The following CHODL variants were observed in gnomAD, a reference collection of about 807,000 sequenced individuals.
CHODL encodes the protein chondrolectin, also known as transmembrane protein MT75.
CHODL carries 29 observed loss-of-function variants against 34.5 expected under a neutral mutation model. That is an observed-to-expected ratio of 0.84 (90% CI 0.63 to 1.15). The LOEUF (loss-of-function observed/expected upper bound fraction) is 1.15. Ranked by LOEUF, CHODL falls within the 50% of genes most tolerant of loss-of-function variation. The probability of loss-of-function intolerance (pLI) is 0.00; values close to 1 mark genes in which losing one functional copy is unlikely to be tolerated. For missense variants in CHODL, 332 were observed against 332.5 expected, an observed-to-expected ratio of 1.00 and a Z score of 0.01; for synonymous variants, 125 against 116.1, an observed-to-expected ratio of 1.08 and a Z score of -0.49.
At chr21:18,121,507 C>T (rs2065479220) in intron 2 of CHODL, among the ~76,000 whole-genome samples, 1 of 151,570 alleles carries the variant, frequency 6.6e-6, no homozygotes, top group African/African-American at 2.4e-5. Context: ...TTAACATGGC[C>T]CAAACGCTTA....
chr21:18,067,393 A>C (rs1456983588), intron 2 of CHODL, among the ~76,000 whole-genome samples: 1 of 152,204 alleles, frequency 6.6e-6, no homozygotes, highest in African/African-American at 2.4e-5. Context: ...TAGAAATTTG[A>C]ATGTAGACAT....
rs372569611 is a variant in CHODL at position 17,992,118 on chromosome 21, A to C, written c.-144-35754A>C. 3.9e-5 allele frequency among the ~76,000 whole-genome samples: 6 copies of C among 152,248 alleles called. 1 individual carries two copies. The highest frequency in any genetic ancestry group is 1.3e-4 in the Admixed American group (2 of 15,282). ...GTGTATGTTCTTGGTGCCTTTGTTG[A>C]AAATAAGTTGGCTATGAATATATGG... On this transcript the variant is annotated intron_variant, in intron 1 of 6. Coordinates refer to the CHODL transcript ENST00000400127.
chr21:18,013,816 G>A (rs1240150589), intron 1 of CHODL, among the ~76,000 whole-genome samples: 1 of 151,472 alleles, frequency 6.6e-6, no homozygotes, highest in Non-Finnish European at 1.5e-5. Context: ...TGTATTTTTA[G>A]TAGAGATGGG....
At chr21:17,984,560 T>G (rs2063739129) in intron 1 of CHODL, among the ~76,000 whole-genome samples, 1 of 152,148 alleles carries the variant, frequency 6.6e-6, no homozygotes, top group Non-Finnish European at 1.5e-5. Context: ...TACATGACTT[T>G]TTTTAATTAA....
chr21:18,255,181 C>T (rs1008032485), intron 1 of CHODL, among the ~76,000 whole-genome samples: 1 of 151,864 alleles, frequency 6.6e-6, no homozygotes, highest in Non-Finnish European at 1.5e-5. Flanking sequence ...TCAGAGTATT[C>T]TATGTATGTA....
chr21:17,964,313 T>C (rs187455053), intron 1 of CHODL, among the ~76,000 whole-genome samples: 80 of 152,316 alleles, frequency 5.3e-4, no homozygotes, highest in African/African-American at 1.9e-3. Context: ...AGAATATTCA[T>C]AGAATGAATT....
chr21:18,054,295 G>C (rs1220257746), intron 2 of CHODL, among the ~76,000 whole-genome samples: 1 of 151,872 alleles, frequency 6.6e-6, no homozygotes, highest in Non-Finnish European at 1.5e-5. Context: ...TCAAATTCAA[G>C]ACCACATGCA....
intron 2 of CHODL, among the ~76,000 whole-genome samples, chr21:18,055,793 A>G (rs578138793): frequency 1.6e-4 from 25 of 152,220 alleles, no homozygotes; most frequent in African/African-American, 5.8e-4. Flanking sequence ...GTGACAGAAC[A>G]TAGGGGGAGA....
chr21:17,982,725 A>G (rs1201832263), intron 1 of CHODL, among the ~76,000 whole-genome samples: 1 of 87,302 alleles, frequency 1.1e-5, no homozygotes, highest in African/African-American at 4.6e-5. Context: ...TTTTTTTGAG[A>G]TGGAGTCTCC....
At chr21:18,193,339 A>G (rs75025755) in intron 2 of CHODL, among the ~76,000 whole-genome samples, 1,632 of 152,254 alleles carry the variant, frequency 0.011, 68 homozygotes, top group East Asian at 0.071. Flanking sequence ...AGAAAGGCTG[A>G]TCTAGGCATA....
At chr21:18,152,018 GTGTGTGTT>G (rs755923746) in intron 2 of CHODL, among the ~76,000 whole-genome samples, 99 of 134,824 alleles carry the variant, frequency 7.3e-4, no homozygotes, top group Non-Finnish European at 9.5e-4. Context: ...GTGTGTGTGT[GTGTGTGTT>G]TGTGTGTGTG....
intron 2 of CHODL, among the ~76,000 whole-genome samples, chr21:18,143,430 G>C (rs2072826854): frequency 6.6e-6 from 1 of 152,042 alleles, no homozygotes; most frequent in South Asian, 2.1e-4. Context: ...TTTATACAGA[G>C]AGATTAATTT....
intron 1 of CHODL, among the ~76,000 whole-genome samples, chr21:17,988,930 G>T (rs2063776277): frequency 6.6e-6 from 1 of 151,972 alleles, no homozygotes; most frequent in African/African-American, 2.4e-5. Context: ...GGGATGGCTG[G>T]GTCAAATGGT....
chr21:18,171,089 T>G (rs2146658706), intron 2 of CHODL, among the ~76,000 whole-genome samples: 1 of 144,388 alleles, frequency 6.9e-6, no homozygotes, highest in African/African-American at 2.6e-5. Flanking sequence ...TTCAATTATT[T>G]TGGTAATTTA....
chr21:17,995,740 A>G (rs768056606), intron 1 of CHODL, among the ~76,000 whole-genome samples: 10 of 152,164 alleles, frequency 6.6e-5, no homozygotes, highest in Non-Finnish European at 1.2e-4. Flanking sequence ...CTTCCTTCAT[A>G]TTTAGAGTCT....
At chr21:17,933,108 G>A (rs1568804356) in intron 1 of CHODL, among the ~76,000 whole-genome samples, 2 of 152,182 alleles carry the variant, frequency 1.3e-5, no homozygotes, top group African/African-American at 4.8e-5. Flanking sequence ...CCAGCCCTAA[G>A]GTGGTTTTCC....
rs113654662 is a variant in CHODL at position 18,233,683 on chromosome 21, A to T, written c.-44-22826A>T. On this transcript the variant is annotated intron_variant, in intron 2 of 6. Transcript: ENST00000400127. ...GAGCCAATATTTGGGGCCTTTTTTT[A>T]AAAAAAATAAGATAATTTGGCCTTA... Among the ~76,000 whole-genome samples, 772 of 151,904 alleles carry T rather than the reference A, an allele frequency of 5.1e-3. 7 individuals are homozygous for T. The highest frequency in any genetic ancestry group is 0.013 in the African/African-American group (545 of 41,448).
chr21:18,073,584 C>T (rs1271912357), intron 2 of CHODL, among the ~76,000 whole-genome samples: 2 of 151,926 alleles, frequency 1.3e-5, no homozygotes, highest in Non-Finnish European at 2.9e-5. Context: ...TATCTTTTTA[C>T]TGCATGAATT....
intron 2 of CHODL, among the ~76,000 whole-genome samples, chr21:18,044,927 C>A (rs1383500350): frequency 6.6e-6 from 1 of 151,848 alleles, no homozygotes; most frequent in Non-Finnish European, 1.5e-5. Context: ...TGGGACTCAG[C>A]AGTGAGTAAG....
Sources: gnomAD v4.1 joint callset for allele counts (sites outside exome capture counted in the v4.1 genomes callset) on GRCh38, gnomAD v4.1.1 for gene constraint, MANE v1.5 for transcripts, NCBI Gene and HGNC (gene_info 2026-07-23, HGNC 2026-07-21) for gene names.